MGST2: variants seen among roughly 807,000 people sequenced by gnomAD.
MGST2 encodes the protein microsomal glutathione S-transferase 2, also known as glutathione peroxidase MGST2.
Under a neutral mutation model 16.6 loss-of-function variants are expected in MGST2, and 9 were observed. That is an observed-to-expected ratio of 0.54 (90% CI 0.33 to 0.95). MGST2 has a LOEUF of 0.95. Among genes scored for constraint, MGST2 ranks in the 40% least tolerant of loss-of-function variants. MGST2 has a pLI of 0.03. For synonymous variants in MGST2, 79 were observed against 68.0 expected (o/e 1.16, Z -0.79); for missense variants, 159 against 175.1 (o/e 0.91, Z 0.52).
the MGST2 span, among the ~76,000 whole-genome samples, chr4:139,754,555 C>T: frequency 6.6e-6 from 1 of 152,140 alleles, no homozygotes; most frequent in Non-Finnish European, 1.5e-5. Context: ...AATGAACATT[C>T]TTGTACATAA....
At chr4:139,712,179 A>G (rs1727768250) in intron 5 of MGST2, among the ~76,000 whole-genome samples, 2 of 152,242 alleles carry the variant, frequency 1.3e-5, no homozygotes, top group Non-Finnish European at 2.9e-5. Context: ...CAACTGTTGA[A>G]ACCAAGCTGA....
intron 5 of MGST2, chr4:139,731,435 T>TAAAAAAAAAAAAAAAA (rs70943437): frequency 2.6e-5 from 1 of 38,716 alleles, no homozygotes; most frequent in African/African-American, 7.8e-5. Flanking sequence ...CTGTCTCTAC[T>TAAAAAAAAAAAAAAAA]AAAAAAAAAA....
intron 5 of MGST2, chr4:139,720,218 G>A (rs1728178729): frequency 4.3e-6 from 7 of 1,613,604 alleles, no homozygotes; most frequent in Non-Finnish European, 5.9e-6. Context: ...AGGGTTCTGG[G>A]AGGGTCCTAT....
At chr4:139,698,222 A>C in intron 3 of MGST2, 3 of 1,295,412 alleles carry the variant, frequency 2.3e-6, no homozygotes, top group Non-Finnish European at 3.3e-6. Context: ...CATGGATAGC[A>C]CACAGGTTGG....
intron 4 of MGST2, 80 bp from the exon 5 acceptor site, chr4:139,703,936 T>C: frequency 6.4e-7 from 1 of 1,572,158 alleles, no homozygotes; most frequent in Non-Finnish European, 8.7e-7. Context: ...GTGTTAACGA[T>C]AGGACAGCCT....
chr4:139,668,716 C>T (rs996238579), intron 1 of MGST2, among the ~76,000 whole-genome samples: 4 of 151,882 alleles, frequency 2.6e-5, no homozygotes, highest in African/African-American at 9.7e-5. Flanking sequence ...AGCTTAATGC[C>T]AGAGCCCGCC....
Position 139,727,952 on chromosome 4 carries a change from A to G in MGST2, c.*49-12260A>G, listed in dbSNP as rs182121516. On this transcript the variant is annotated intron_variant, in intron 5 of 5. Coordinates refer to the MGST2 transcript ENST00000616265. ...GAGAGCTGGCCGGGTGCCGTGGCTCACACCTGTAACCCCAGCACTTTGGGA... is the reference window on the plus strand; with the variant it reads ...GAGAGCTGGCCGGGTGCCGTGGCTCGCACCTGTAACCCCAGCACTTTGGGA... Among the ~76,000 whole-genome samples the G allele has an allele frequency of 4.1e-4, 63 of 152,282 alleles. 1 individual carries two copies. The highest frequency in any genetic ancestry group is 4.1e-3 in the Admixed American group (63 of 15,296).
intron 5 of MGST2, chr4:139,719,224 G>A (rs1284273682): frequency 1.4e-6 from 2 of 1,401,750 alleles, no homozygotes; most frequent in Non-Finnish European, 1.9e-6. Flanking sequence ...AGTTTACGTG[G>A]GTCAAAAAAA....
At chr4:139,748,171 C>T in the MGST2 span, among the ~76,000 whole-genome samples, 2 of 151,924 alleles carry the variant, frequency 1.3e-5, no homozygotes, top group African/African-American at 4.8e-5. Context: ...TCCAGATACC[C>T]ACAGGCTCTA....
chr4:139,669,674 G>A (rs901750614), intron 1 of MGST2, among the ~76,000 whole-genome samples: 2 of 152,260 alleles, frequency 1.3e-5, no homozygotes, highest in African/African-American at 4.8e-5. Context: ...AAGGGGCAGA[G>A]AAAGCTTCCC....
intron 5 of MGST2, chr4:139,716,779 T>G (rs1727986116): frequency 6.6e-6 from 1 of 152,412 alleles, no homozygotes; most frequent in Non-Finnish European, 1.5e-5. Flanking sequence ...TTTATTTTTG[T>G]TTTTGTTTTC....
intron 5 of MGST2, among the ~76,000 whole-genome samples, chr4:139,713,579 C>T (rs959671860): frequency 2.6e-5 from 4 of 151,892 alleles, no homozygotes; most frequent in African/African-American, 9.7e-5. Context: ...TCATTAATGG[C>T]CTTTTAAATA....
intron 1 of MGST2, among the ~76,000 whole-genome samples, chr4:139,667,276 G>A (rs1405568459): frequency 6.6e-6 from 1 of 152,126 alleles, no homozygotes; most frequent in African/African-American, 2.4e-5. Flanking sequence ...AAATATGTCA[G>A]AAGGCAGCTT....
In MGST2 at chr4:139,703,849, T is replaced by A. The variant is rs538136565; in HGVS notation, c.312-167T>A. 5.9e-5 allele frequency among the ~76,000 whole-genome samples: 9 copies of A among 152,366 alleles called. No individual in the cohort carries two copies. The South Asian group carries it at 1.9e-3, about 32-fold the overall frequency. The stretch of plus-strand genomic sequence containing the variant: ...GAATGTTCAAAGAAACCAAGTGATC[T>A]CTATGGCTAGGCATTCCCTTTAACT... On this transcript the variant is annotated intron_variant, in intron 4 of 4. Transcript: ENST00000265498.
At chr4:139,734,409 A>AC (rs1388342315) in intron 5 of MGST2, among the ~76,000 whole-genome samples, 1 of 151,778 alleles carries the variant, frequency 6.6e-6, no homozygotes, top group African/African-American at 2.4e-5. Context: ...TTGCCCAACG[A>AC]CCTCCCTTGC....
At chr4:139,747,193 C>G in the MGST2 span, among the ~76,000 whole-genome samples, 1 of 152,096 alleles carries the variant, frequency 6.6e-6, no homozygotes, top group Admixed American at 6.5e-5. Flanking sequence ...TCTATTTGAA[C>G]CCTTAAAGCT....
chr4:139,721,196 T>G (rs1223537306), intron 5 of MGST2, among the ~76,000 whole-genome samples: 1 of 152,222 alleles, frequency 6.6e-6, no homozygotes, highest in Non-Finnish European at 1.5e-5. Flanking sequence ...GTTTAAAAGG[T>G]GGCCAGAGTG....
downstream of MGST2, among the ~76,000 whole-genome samples, chr4:139,707,816 G>A (rs545789511): frequency 1.3e-3 from 197 of 152,044 alleles, no homozygotes; most frequent in African/African-American, 4.6e-3. Flanking sequence ...GTGATGATGA[G>A]CATTTTTTCA....
the MGST2 span, among the ~76,000 whole-genome samples, chr4:139,749,751 AGGAGC>A: frequency 6.6e-6 from 1 of 152,230 alleles, no homozygotes; most frequent in Non-Finnish European, 1.5e-5. Flanking sequence ...GGTACCAAAC[AGGAGC>A]TCTCACTACA....
Sources: allele counts gnomAD v4.1 joint callset (sites outside exome capture counted in the v4.1 genomes callset), GRCh38; gene constraint gnomAD v4.1.1; transcripts MANE v1.5; gene names NCBI Gene and HGNC (gene_info 2026-07-23, HGNC 2026-07-21).